The following LINC00632 variants were observed in gnomAD, a reference collection of about 807,000 sequenced individuals.
LINC00632 encodes the protein ALDOA related specific transcript.
intron 2 of LINC00632, among the ~76,000 whole-genome samples, chrX:140,723,613 AACAC>A (rs1569348318): frequency 3.2e-4 from 8 of 24,951 alleles, no homozygotes; most frequent in Admixed American, 5.9e-4. Flanking sequence ...ACATTCCATA[AACAC>A]ACACACATTC....
At chrX:140,723,666 T>TTCCATAC (rs1569348346) in intron 2 of LINC00632, among the ~76,000 whole-genome samples, 5 of 1,366 alleles carry the variant, frequency 3.7e-3, no homozygotes, top group South Asian at 0.069. Context: ...ACATTCCATA[T>TTCCATAC]ACACACATTC....
chrX:140,725,356 T>TAC (rs753390314), intron 2 of LINC00632, among the ~76,000 whole-genome samples: 1 of 82,762 alleles, frequency 1.2e-5, no homozygotes, highest in Non-Finnish European at 2.4e-5. Flanking sequence ...ACACATTCCA[T>TAC]ACACACACAC....
exon 5 of LINC00632, chrX:140,784,755 T>TA (rs1400936030): frequency 5.6e-6 from 1 of 178,950 alleles, no homozygotes; most frequent in East Asian, 1.3e-4. Flanking sequence ...CTTCCCATGT[T>TA]AAAATCACTC....
intron 2 of LINC00632, among the ~76,000 whole-genome samples, chrX:140,723,980 C>T (rs1024218694): frequency 9.0e-6 from 1 of 111,478 alleles, no homozygotes. Flanking sequence ...TCCATACACA[C>T]ACACATTCCA....
intron 3 of LINC00632, among the ~76,000 whole-genome samples, chrX:140,769,295 T>C (rs1931750285): frequency 9.0e-6 from 1 of 111,701 alleles, no homozygotes; most frequent in Non-Finnish European, 1.9e-5. Flanking sequence ...GAGGGCCTCA[T>C]AGGCCCCAAT....
intron 3 of LINC00632, among the ~76,000 whole-genome samples, chrX:140,769,482 C>A (rs946936141): frequency 1.8e-5 from 2 of 109,619 alleles, no homozygotes; most frequent in African/African-American, 6.7e-5. Context: ...CACCCCACCC[C>A]CCCCATGAAA....
exon 5 of LINC00632, among the ~76,000 whole-genome samples, chrX:140,787,537 T>C (rs931870672): frequency 3.6e-5 from 4 of 111,532 alleles, no homozygotes; most frequent in Non-Finnish European, 7.6e-5. Context: ...TACATATTTG[T>C]GTGCAGATGT....
chrX:140,778,616 A>C (rs1931900746), exon 5 of LINC00632, among the ~76,000 whole-genome samples: 1 of 103,632 alleles, frequency 9.6e-6, no homozygotes, highest in African/African-American at 3.9e-5. Context: ...CAAACAAACA[A>C]AGAAAAAAAA....
At chrX:140,717,708 G>T (rs903066690) in intron 2 of LINC00632, among the ~76,000 whole-genome samples, 2 of 111,778 alleles carry the variant, frequency 1.8e-5, no homozygotes, top group African/African-American at 6.5e-5. Flanking sequence ...GACTGTCTGA[G>T]TTCCAATCCC....
rs1340604885 is a variant in LINC00632 at position 140,778,633 on chromosome X, AAAG to A, written n.6655_6657del. ...AACAAACAAAGAAAAAAAAAAAAAA[AAAG>A]AACTGTTTTGATAATTTTACCATTT... On this transcript the variant is annotated non_coding_transcript_exon_variant, in exon 5 of 5. Transcript: ENST00000648200. Among the ~76,000 whole-genome samples, 1,091 of 109,697 alleles carry A rather than the reference AAAG, an allele frequency of 9.9e-3. 9 individuals carry two copies. Among genetic ancestry groups the A allele is most frequent in the Middle Eastern group, 0.037 (8 of 215 alleles).
At position 140,724,827 on chromosome X, in the gene LINC00632, C is replaced by T. The variant is rs761921606; in HGVS notation, n.105-9051C>T. On this transcript the variant is annotated intron_variant and non_coding_transcript_variant, in intron 2 of 4. Coordinates refer to ENST00000648200, the Ensembl canonical transcript of LINC00632. ...GAGACACATTCCATACACACACGCA[C>T]ACATTCCACACGCACACACATTCCA... 1.6e-4 allele frequency among the ~76,000 whole-genome samples: 12 copies of T among 73,372 alleles called. No homozygotes were observed. The Admixed American group carries it at 1.8e-3, about 11-fold the overall frequency. 63.7% of individuals were successfully genotyped at this position (73,372 alleles called of 115,157 possible).
chrX:140,774,856 G>A (rs1253928422), exon 5 of LINC00632, among the ~76,000 whole-genome samples: 2 of 111,020 alleles, frequency 1.8e-5, no homozygotes, highest in African/African-American at 3.3e-5. Flanking sequence ...TGAGAGTTTC[G>A]GGAACTCAAC....
intron 2 of LINC00632, among the ~76,000 whole-genome samples, chrX:140,720,312 G>A (rs1473048334): frequency 9.1e-6 from 1 of 110,174 alleles, no homozygotes; most frequent in Non-Finnish European, 1.9e-5. Flanking sequence ...ACTCAACAAG[G>A]CCTGGACATA....
intron 3 of LINC00632, among the ~76,000 whole-genome samples, chrX:140,742,872 AG>A (rs1569351776): frequency 7.5e-4 from 70 of 93,522 alleles, no homozygotes; most frequent in African/African-American, 3.1e-3. Context: ...AGAGAGAGAG[AG>A]AGAGAGGAAG....
chrX:140,753,294 A>G (rs1931437532), intron 3 of LINC00632, among the ~76,000 whole-genome samples: 1 of 112,064 alleles, frequency 8.9e-6, no homozygotes, highest in Non-Finnish European at 1.9e-5. Context: ...GGCCTCAATT[A>G]CCTTGTTAGT....
At position 140,716,814 on chromosome X, in the gene LINC00632, C is replaced by CAG. The variant is rs1269006448; in HGVS notation, n.104+5160_104+5161dup. On this transcript the variant is annotated intron_variant and non_coding_transcript_variant, in intron 2 of 4. Transcript: ENST00000648200. ...ACACACACACACACACACACACACA[C>CAG]AGACACACACACATCCTAACCTCAT... is the stretch of plus-strand genomic sequence containing the variant. Among the ~76,000 whole-genome samples, 9 of 109,061 alleles carry CAG rather than the reference C, an allele frequency of 8.3e-5. No homozygotes were observed. In the East Asian group the frequency reaches 2.3e-3, roughly 28 times the overall value. The allele number at this position is 109,061 out of a possible 115,157, so 94.7% of individuals were successfully genotyped here. A position where few individuals can be genotyped will look rare whatever the true frequency, so the allele number is the denominator to read the frequency against.
exon 5 of LINC00632, among the ~76,000 whole-genome samples, chrX:140,778,474 G>A (rs1352842164): frequency 9.0e-6 from 1 of 110,784 alleles, no homozygotes; most frequent in Non-Finnish European, 1.9e-5. Flanking sequence ...GCGTGGTGGT[G>A]CATGCCTGTA....
intron 3 of LINC00632, among the ~76,000 whole-genome samples, chrX:140,758,423 G>C (rs1449886831): frequency 9.9e-6 from 1 of 101,054 alleles, no homozygotes; most frequent in Non-Finnish European, 2.0e-5. Flanking sequence ...TCCCAGGCTA[G>C]AGTGCAATAG....
Position 140,730,550 on chromosome X carries a change from T to C in LINC00632, n.105-3328T>C, listed in dbSNP as rs762782314. ...CCCCAGAACACTCAGGCTTGCCTCATGGTCGTTATATACTCATACCTTAGA... is the reference window on the plus strand; with the variant it reads ...CCCCAGAACACTCAGGCTTGCCTCACGGTCGTTATATACTCATACCTTAGA... On this transcript the variant is annotated intron_variant and non_coding_transcript_variant, in intron 2 of 4. Transcript: ENST00000648200. 1.4e-4 allele frequency among the ~76,000 whole-genome samples: 15 copies of C among 109,522 alleles called. 1 individual carries two copies. Among genetic ancestry groups the C allele is most frequent in the Non-Finnish European group, 1.1e-4 (6 of 52,699 alleles).
Sources: allele counts gnomAD v4.1 joint callset (sites outside exome capture counted in the v4.1 genomes callset), GRCh38; gene constraint gnomAD v4.1.1; transcripts MANE v1.5; gene names NCBI Gene and HGNC (gene_info 2026-07-23, HGNC 2026-07-21).